SHQ1: variants seen among roughly 807,000 people sequenced by gnomAD.
SHQ1 encodes the protein SHQ1, H/ACA ribonucleoprotein assembly factor.
A neutral mutation model predicts 53.8 loss-of-function variants in SHQ1; 49 were observed. That is an observed-to-expected ratio of 0.91 (90% CI 0.72 to 1.16). The LOEUF (loss-of-function observed/expected upper bound fraction) is 1.16. SHQ1 is among the 50% of genes most tolerant of loss of function. The pLI is 0.00. For missense variants in SHQ1, 738 were observed against 683.1 expected (o/e 1.08, Z -0.90); for synonymous variants, 243 against 251.0 (o/e 0.97, Z 0.30).
chr3:72,841,373 A>T (rs950392847), intron 3 of SHQ1, among the ~76,000 whole-genome samples, 174 bp from the exon 4 acceptor site: 9 of 152,244 alleles, frequency 5.9e-5, no homozygotes, highest in Non-Finnish European at 8.8e-5. Flanking sequence ...AAAGAACCAA[A>T]AATGTGGTAT....
chr3:72,737,325 G>T, the SHQ1 span, among the ~76,000 whole-genome samples: 1 of 151,856 alleles, frequency 6.6e-6, no homozygotes, highest in African/African-American at 2.4e-5. Flanking sequence ...GTACTGTAGG[G>T]TTAAAACCAC....
At chr3:72,838,350 G>GT (rs1708061162) in intron 4 of SHQ1, among the ~76,000 whole-genome samples, 1 of 152,162 alleles carries the variant, frequency 6.6e-6, no homozygotes, top group African/African-American at 2.4e-5. Context: ...ATGCTCAGTT[G>GT]TTTTTCCCCT....
chr3:72,733,140 G>A, the SHQ1 span, among the ~76,000 whole-genome samples: 1 of 151,726 alleles, frequency 6.6e-6, no homozygotes, highest in South Asian at 2.1e-4. Flanking sequence ...CAACCCCTGA[G>A]CTGCCCTCCC....
intron 10 of SHQ1, chr3:72,753,355 T>C (rs769133068): frequency 9.1e-6 from 9 of 985,334 alleles, no homozygotes; most frequent in African/African-American, 1.7e-5. Context: ...GTGGAGCTGA[T>C]GGTACAATGG....
rs144429081 is a variant in SHQ1 at position 72,782,766 on chromosome 3, T to C, written c.1181+10150A>G. Among the ~76,000 whole-genome samples, 133 of 152,338 alleles carry C rather than the reference T, an allele frequency of 8.7e-4. 1 individual carries two copies. The East Asian group carries it at 0.02, about 23-fold the overall frequency. On this transcript the variant is annotated intron_variant, in intron 10 of 10. Coordinates refer to ENST00000325599, the MANE Select transcript of SHQ1 (RefSeq NM_018130.3). ...CTTTTTTAAAAAGCTTTCTCGTGAC[T>C]CCATTGAAAGAATGCTCTTGACAAA...
intron 9 of SHQ1, among the ~76,000 whole-genome samples, chr3:72,802,553 A>G (rs902037069): frequency 6.6e-6 from 1 of 152,212 alleles, no homozygotes; most frequent in African/African-American, 2.4e-5. Flanking sequence ...TCTGGCCTCC[A>G]GACAGATGGG....
At chr3:72,728,625 G>A in the SHQ1 span, among the ~76,000 whole-genome samples, 118 of 152,356 alleles carry the variant, frequency 7.7e-4, 1 homozygote, top group African/African-American at 2.7e-3. Context: ...CTGCTCTGAA[G>A]TCAAATCTGC....
chr3:72,762,411 C>A (rs1260726852), intron 10 of SHQ1, among the ~76,000 whole-genome samples: 1 of 152,140 alleles, frequency 6.6e-6, no homozygotes, highest in African/African-American at 2.4e-5. Context: ...TTTTGCCAGG[C>A]CAGATCAAAT....
At chr3:72,836,332 A>G (rs1707993762) in intron 4 of SHQ1, among the ~76,000 whole-genome samples, 1 of 152,228 alleles carries the variant, frequency 6.6e-6, no homozygotes, top group East Asian at 1.9e-4. Flanking sequence ...TACTAAAAAT[A>G]CAAAAAATTA....
intron 4 of SHQ1, among the ~76,000 whole-genome samples, chr3:72,834,986 T>C (rs956247206): frequency 3.3e-5 from 5 of 152,130 alleles, no homozygotes; most frequent in African/African-American, 4.8e-5. Flanking sequence ...TGAGCTAAAA[T>C]CAAGGGCTAC....
At chr3:72,832,926 T>C (rs929709597) in intron 4 of SHQ1, among the ~76,000 whole-genome samples, 10 of 152,186 alleles carry the variant, frequency 6.6e-5, no homozygotes, top group African/African-American at 1.7e-4. Context: ...TAAAGAAGCA[T>C]TACCGTACAG....
At chr3:72,780,298 G>C (rs1464698425) in intron 10 of SHQ1, among the ~76,000 whole-genome samples, 1 of 152,084 alleles carries the variant, frequency 6.6e-6, no homozygotes, top group African/African-American at 2.4e-5. Flanking sequence ...GAGATCCTTT[G>C]CCAATAGTTT....
intron 1 of SHQ1, among the ~76,000 whole-genome samples, chr3:72,846,891 TAA>T (rs1296106424): frequency 1.3e-5 from 2 of 152,168 alleles, no homozygotes; most frequent in Non-Finnish European, 2.9e-5. Flanking sequence ...AAAAATTCAA[TAA>T]ATATTTGCTA....
intron 9 of SHQ1, among the ~76,000 whole-genome samples, chr3:72,798,388 A>C (rs1706690912): frequency 6.6e-6 from 1 of 152,232 alleles, no homozygotes; most frequent in Non-Finnish European, 1.5e-5. Flanking sequence ...AAAGCAGTTT[A>C]ACACTGTATC....
chr3:72,812,628 C>T lies in SHQ1; in HGVS notation c.1060+43G>A, dbSNP rs745972415. On this transcript the variant is annotated intron_variant, in intron 9 of 10. Transcript: ENST00000325599. The stretch of plus-strand genomic sequence containing the variant: ...TATATCTTCACAGACTAAAAACTTA[C>T]AACTTTTTCCCTCCCAAATTTGCAA... 3.7e-5 allele frequency: 60 copies of T among 1,604,412 alleles called. No individual in the cohort carries two copies. In the South Asian group the frequency reaches 5.7e-4, roughly 15 times the overall value.
chr3:72,832,734 T>C (rs1048199746), intron 4 of SHQ1, among the ~76,000 whole-genome samples: 5 of 152,204 alleles, frequency 3.3e-5, no homozygotes, highest in African/African-American at 1.2e-4. Flanking sequence ...ATATTAAGGC[T>C]ATAAAAGTTT....
chr3:72,846,234 A>C, intron 1 of SHQ1: 1 of 1,535,702 alleles, frequency 6.5e-7, no homozygotes. Flanking sequence ...CCGCAGCTAC[A>C]GTCTCCATTC....
At chr3:72,840,544 G>A (rs1708147622) in intron 4 of SHQ1, among the ~76,000 whole-genome samples, 2 of 146,580 alleles carry the variant, frequency 1.4e-5, no homozygotes. Context: ...CTTGGCGACA[G>A]GGTAAGACTC....
At chr3:72,785,490 C>T (rs765483434) in intron 10 of SHQ1, among the ~76,000 whole-genome samples, 1 of 152,188 alleles carries the variant, frequency 6.6e-6, no homozygotes, top group Non-Finnish European at 1.5e-5. Context: ...GTTAAGAATA[C>T]TGGCAGGCTC....
Sources: gnomAD v4.1 joint callset for allele counts (sites outside exome capture counted in the v4.1 genomes callset) on GRCh38, gnomAD v4.1.1 for gene constraint, MANE v1.5 for transcripts, NCBI Gene and HGNC (gene_info 2026-07-23, HGNC 2026-07-21) for gene names.